AHCYL2: variants seen among roughly 807,000 people sequenced by gnomAD.
AHCYL2 encodes the protein S-adenosylhomocysteine hydrolase-like protein 2.
Under a neutral mutation model 81.4 loss-of-function variants are expected in AHCYL2, and 28 were observed. The ratio of observed to expected loss-of-function variants is 0.34; its 90% confidence interval spans 0.25 to 0.47. The LOEUF is 0.47. Ranked by LOEUF, AHCYL2 falls within the 20% of genes least tolerant of loss-of-function variation. The pLI, the probability that AHCYL2 is intolerant of heterozygous loss-of-function variation, is 1.00. For synonymous variants in AHCYL2, 272 were observed against 290.2 expected (o/e 0.94, Z 0.64); for missense variants, 551 against 785.1 (o/e 0.70, Z 3.56).
At position 129,305,495 on chromosome 7, in the gene AHCYL2, A is replaced by C. The variant is rs117817029; in HGVS notation, c.364-74143A>C. 4.1e-3 allele frequency among the ~76,000 whole-genome samples: 629 copies of C among 152,210 alleles called. 3 individuals carry two copies. Among genetic ancestry groups the C allele is most frequent in the Non-Finnish European group, 7.5e-3 (509 of 67,970 alleles). On this transcript the variant is annotated intron_variant, in intron 1 of 16. Transcript: ENST00000325006. ...AAACAAACAAAAAAAAACACTTTAT[A>C]CTTTAACTTCATACCCCCCACTTTC...
At position 129,419,285 on chromosome 7, in the gene AHCYL2, G is replaced by A. The variant is rs1797001767; in HGVS notation, c.1462-3555G>A. Among the ~76,000 whole-genome samples the A allele has an allele frequency of 6.6e-6, 1 of 152,036 alleles. No individual in the cohort carries two copies. The highest frequency in any genetic ancestry group is 1.5e-5 in the Non-Finnish European group (1 of 67,998). ...AAAAGCAGACCTGCAGCCAGGTGTG[G>A]TGGCTCACGCCTGTAATCCCAGCAC... On this transcript the variant is annotated intron_variant, in intron 12 of 16. Coordinates refer to ENST00000325006, the MANE Select transcript of AHCYL2 (RefSeq NM_015328.4). The surrounding 1 kb of genome is among the most constrained non-coding windows in gnomAD (Gnocchi z 4.7).
intron 1 of AHCYL2, among the ~76,000 whole-genome samples, chr7:129,358,633 C>G (rs1793827336): frequency 6.6e-6 from 1 of 152,090 alleles, no homozygotes; most frequent in Admixed American, 6.6e-5. Context: ...TATAGAGTTG[C>G]AGTTTGAGAT....
At chr7:129,284,804 A>G (rs550565108) in intron 1 of AHCYL2, among the ~76,000 whole-genome samples, 1 of 151,572 alleles carries the variant, frequency 6.6e-6, no homozygotes, top group Non-Finnish European at 1.5e-5. Context: ...AAACTAAAAA[A>G]TTTTTTTTTC....
intron 1 of AHCYL2, among the ~76,000 whole-genome samples, chr7:129,370,502 T>C (rs1235314548): frequency 6.6e-6 from 1 of 152,148 alleles, no homozygotes; most frequent in Admixed American, 6.5e-5. Context: ...ATCAAGATCA[T>C]CCTGGCTAAC....
At chr7:129,343,391 T>C (rs1186413512) in intron 1 of AHCYL2, among the ~76,000 whole-genome samples, 1 of 152,184 alleles carries the variant, frequency 6.6e-6, no homozygotes, top group East Asian at 1.9e-4. Flanking sequence ...GTCATGCTGA[T>C]GTCACTTTGT....
chr7:129,427,860 T>C lies in AHCYL2; in HGVS notation c.*815T>C, dbSNP rs1186551525. On this transcript the variant is annotated 3_prime_UTR_variant, in exon 17 of 17. Transcript: ENST00000325006. The surrounding 1 kb of genome is among the most constrained non-coding windows in gnomAD (Gnocchi z 5.5). ...ACTTCCTTGTCATTTGATTGGATAG[T>C]TTCCAAGGAAGCCCCTCCAGATTGG... is the stretch of plus-strand genomic sequence containing the variant. 6.6e-6 allele frequency: 1 copy of C among 152,578 alleles called. No individual in the cohort carries two copies. The highest frequency in any genetic ancestry group is 2.4e-5 in the African/African-American group (1 of 41,422). 9.5% of individuals were successfully genotyped at this position (152,578 alleles called of 1,614,324 possible).
intron 1 of AHCYL2, among the ~76,000 whole-genome samples, chr7:129,373,656 C>T (rs1274773527): frequency 6.6e-6 from 1 of 151,992 alleles, no homozygotes; most frequent in Non-Finnish European, 1.5e-5. Context: ...TAAGGCTTTT[C>T]CTGTCTCCTA....
intron 1 of AHCYL2, among the ~76,000 whole-genome samples, chr7:129,289,367 C>T (rs982010056): frequency 3.9e-5 from 6 of 152,198 alleles, no homozygotes; most frequent in African/African-American, 4.8e-5. Context: ...GTTGAGATTG[C>T]GGGCGCAAGC....
chr7:129,283,222 C>T (rs966335037), intron 1 of AHCYL2, among the ~76,000 whole-genome samples: 1 of 152,148 alleles, frequency 6.6e-6, no homozygotes, highest in African/African-American at 2.4e-5. Flanking sequence ...CGAAGATAGC[C>T]CTGGGCTCTA....
At chr7:129,320,730 C>G (rs914999447) in intron 1 of AHCYL2, among the ~76,000 whole-genome samples, 1 of 152,166 alleles carries the variant, frequency 6.6e-6, no homozygotes, top group Non-Finnish European at 1.5e-5. Flanking sequence ...TCATCTGATT[C>G]CAGAACATTT....
chr7:129,225,200 G>T lies in AHCYL2; in HGVS notation c.124G>T (p.Ala42Ser). The T allele has an allele frequency of 6.4e-7, 1 of 1,551,422 alleles. No homozygotes were observed. Residue 42 changes from alanine (A) to serine (S), a missense_variant, in exon 1 of 17, where the codon GCC becomes TCC. Physicochemically the swap from Ala to Ser is moderately conservative, Grantham distance 99. This residue lies in a region of AHCYL2 where 235 missense variants were observed against 242.1 expected (regional missense o/e 0.97). Coordinates refer to ENST00000325006, the MANE Select transcript of AHCYL2 (RefSeq NM_015328.4). Reference protein sequence around the residue: ...GLSTAAVGAMAPPAGGGDPEA... With the variant: ...GLSTAAVGAMSPPAGGGDPEA... ...GAGCACGGCCGCCGTGGGCGCCATG[G>T]CCCCCCCGGCGGGCGGTGGAGACCC...
chr7:129,295,710 G>T (rs537263724), intron 1 of AHCYL2, among the ~76,000 whole-genome samples: 1 of 152,226 alleles, frequency 6.6e-6, no homozygotes, highest in Admixed American at 6.5e-5. Flanking sequence ...AGTGAAGGCC[G>T]TGAATGGCCA....
intron 1 of AHCYL2, among the ~76,000 whole-genome samples, chr7:129,233,998 C>G (rs1398266893): frequency 6.6e-6 from 1 of 151,970 alleles, no homozygotes; most frequent in Non-Finnish European, 1.5e-5. Context: ...TCCCCCTCCC[C>G]CCTTCCTCCT....
At position 129,368,250 on chromosome 7, in the gene AHCYL2, A is replaced by G; in HGVS notation, c.364-11388A>G. On this transcript the variant is annotated intron_variant, in intron 1 of 16. Coordinates refer to ENST00000325006, the MANE Select transcript of AHCYL2 (RefSeq NM_015328.4). The surrounding 1 kb of genome is among the most constrained non-coding windows in gnomAD (Gnocchi z 4.4). The stretch of plus-strand genomic sequence containing the variant: ...GTGCCTGGGTGCAGCACTTTGCATC[A>G]GCTCTGATTTTGAAATCAGACACAG... The G allele has an allele frequency of 1.4e-6, 2 of 1,388,664 alleles. No homozygotes were observed. The highest frequency in any genetic ancestry group is 3.1e-5 in the Admixed American group (1 of 32,484). The allele number at this position is 1,388,664 out of a possible 1,614,324, so 86.0% of individuals were successfully genotyped here.
chr7:129,240,069 C>A (rs1022071952), intron 1 of AHCYL2, among the ~76,000 whole-genome samples: 2 of 152,038 alleles, frequency 1.3e-5, no homozygotes, highest in Admixed American at 1.3e-4. Flanking sequence ...ACTAAAAATA[C>A]AAAATTGGTC....
intron 1 of AHCYL2, among the ~76,000 whole-genome samples, chr7:129,329,282 C>T (rs1212918247): frequency 6.6e-6 from 1 of 152,134 alleles, no homozygotes; most frequent in Non-Finnish European, 1.5e-5. Context: ...TGGGCTCAAG[C>T]AATCTTCCCA....
Position 129,426,710 on chromosome 7 carries a change from C to CT in AHCYL2, c.1829+149dup. The CT allele has an allele frequency of 9.7e-7, 1 of 1,028,244 alleles. No individual in the cohort carries two copies. Among genetic ancestry groups the CT allele is most frequent in the Non-Finnish European group, 1.3e-6 (1 of 753,134 alleles). The allele number at this position is 1,028,244 out of a possible 1,614,324, so 63.7% of individuals were successfully genotyped here. A position where few individuals can be genotyped will look rare whatever the true frequency, so the allele number is the denominator to read the frequency against. On this transcript the variant is annotated intron_variant, in intron 16 of 16. Coordinates refer to ENST00000325006, the MANE Select transcript of AHCYL2 (RefSeq NM_015328.4). This position sits in a 1 kb window ranked among gnomAD's most constrained non-coding sequence, Gnocchi z 4.3. ...CCCTCACTGCCACCTTCAAAAGACTCTTCAAGGCCTTAAATAGTATTCCCC... is the reference window on the plus strand; with the variant it reads ...CCCTCACTGCCACCTTCAAAAGACTCTTTCAAGGCCTTAAATAGTATTCCCC...
In AHCYL2 at chr7:129,297,749, C is replaced by T. The variant is rs181616647; in HGVS notation, c.363+72310C>T. On this transcript the variant is annotated intron_variant, in intron 1 of 16. Coordinates refer to ENST00000325006, the MANE Select transcript of AHCYL2 (RefSeq NM_015328.4). ...ATCAAAATCATTACCTGGCTGGATG[C>T]AGTGGCTCATGCTTGTAATCCCAGC... Among the ~76,000 whole-genome samples, 16 of 152,076 alleles carry T rather than the reference C, an allele frequency of 1.1e-4. No individual in the cohort carries two copies. In the East Asian group the frequency reaches 2.7e-3, roughly 26 times the overall value.
At position 129,368,347 on chromosome 7, in the gene AHCYL2, C is replaced by CTGTG. The variant is rs1181110901; in HGVS notation, c.364-11290_364-11287dup. The stretch of plus-strand genomic sequence containing the variant: ...TGCTCTTGATTTGAATCGGAGGCTG[C>CTGTG]TGTGAAAAGGGATGCAGCTTCTGCT... On this transcript the variant is annotated intron_variant, in intron 1 of 16. Coordinates refer to ENST00000325006, the MANE Select transcript of AHCYL2 (RefSeq NM_015328.4). The surrounding 1 kb of genome is among the most constrained non-coding windows in gnomAD (Gnocchi z 4.4). 3 of 1,470,776 alleles carry CTGTG rather than the reference C, an allele frequency of 2.0e-6. No individual in the cohort carries two copies. The highest frequency in any genetic ancestry group is 2.7e-6 in the Non-Finnish European group (3 of 1,110,184). 91.1% of individuals were successfully genotyped at this position (1,470,776 alleles called of 1,614,324 possible). A position where few individuals can be genotyped will look rare whatever the true frequency, so the allele number is the denominator to read the frequency against.
Sources: gnomAD v4.1 joint callset for allele counts (sites outside exome capture counted in the v4.1 genomes callset) on GRCh38, gnomAD v4.1.1 for gene constraint, gnomAD v4.1.1 regional missense constraint, Gnocchi (gnomAD v3.1) non-coding constraint, MANE v1.5 for transcripts, NCBI Gene and HGNC (gene_info 2026-07-23, HGNC 2026-07-21) for gene names.